Variants in CACNB2 observed in about 807,000 individuals in gnomAD.
The protein encoded by CACNB2 is voltage-dependent L-type calcium channel subunit beta-2.
CACNB2 carries 42 observed loss-of-function variants against 73.3 expected under a neutral mutation model. The ratio of observed to expected loss-of-function variants is 0.57; its 90% CI spans 0.45 to 0.74. CACNB2 has a LOEUF of 0.74. Among genes scored for constraint, CACNB2 ranks in the 30% least tolerant of loss-of-function variants. The pLI is 0.00. For synonymous variants in CACNB2, 348 were observed against 310.3 expected (o/e 1.12, Z -1.28); for missense variants, 940 against 853.0 (o/e 1.10, Z -1.27).
intron 2 of CACNB2, among the ~76,000 whole-genome samples, chr10:18,399,424 G>A (rs2043877630): frequency 6.6e-6 from 1 of 152,238 alleles, no homozygotes; most frequent in South Asian, 2.1e-4. Flanking sequence ...CCACAATTGA[G>A]GTACAACTGA....
At chr10:18,482,603 C>A (rs1052530380) in intron 3 of CACNB2, among the ~76,000 whole-genome samples, 1 of 152,108 alleles carries the variant, frequency 6.6e-6, no homozygotes, top group Non-Finnish European at 1.5e-5. Flanking sequence ...CTCCACCTCC[C>A]GGGTTCAAGC....
At chr10:18,417,289 C>T (rs2045032954) in intron 3 of CACNB2, among the ~76,000 whole-genome samples, 2 of 150,154 alleles carry the variant, frequency 1.3e-5, no homozygotes, top group Admixed American at 1.3e-4. Flanking sequence ...ATTGTCATTA[C>T]ACCATTGATG....
At chr10:18,207,280 A>G (rs2035134620) in intron 2 of CACNB2, among the ~76,000 whole-genome samples, 1 of 152,154 alleles carries the variant, frequency 6.6e-6, no homozygotes, top group Non-Finnish European at 1.5e-5. Flanking sequence ...AAATGCTGGG[A>G]TTACAGGCAT....
At chr10:18,151,080 C>T (rs2031514087) in intron 2 of CACNB2, 105 bp downstream of exon 2, 6 of 791,422 alleles carry the variant, frequency 7.6e-6, no homozygotes, top group Non-Finnish European at 1.3e-5. Flanking sequence ...TATGATTGTA[C>T]TTACTTTTAA....
intron 2 of CACNB2, among the ~76,000 whole-genome samples, chr10:18,347,430 A>G (rs868162781): frequency 6.1e-5 from 9 of 146,894 alleles, no homozygotes; most frequent in Non-Finnish European, 8.9e-5. Flanking sequence ...AGCTCAGGCA[A>G]TCCGCCCACC....
chr10:18,150,487 A>T (rs2031414039), intron 1 of CACNB2, among the ~76,000 whole-genome samples: 1 of 152,176 alleles, frequency 6.6e-6, no homozygotes, highest in Non-Finnish European at 1.5e-5. Context: ...AACATGGAGA[A>T]ACCCTGTCTC....
chr10:18,438,002 ATTTTTTTTTTTTTTTTTT>A (rs56671616), intron 3 of CACNB2, among the ~76,000 whole-genome samples: 10 of 41,764 alleles, frequency 2.4e-4, no homozygotes, highest in Admixed American at 2.4e-3. Context: ...GCCCAGTTGG[ATTTTTTTTTTTTTTTTTT>A]TTTTTTTTTT....
intron 3 of CACNB2, among the ~76,000 whole-genome samples, chr10:18,460,935 T>C (rs985523464): frequency 3.9e-5 from 6 of 152,040 alleles, no homozygotes; most frequent in Admixed American, 3.3e-4. Flanking sequence ...TTTTCTTTCC[T>C]TTTTCTTTTT....
intron 2 of CACNB2, among the ~76,000 whole-genome samples, chr10:18,249,583 G>A (rs942312960): frequency 6.6e-6 from 1 of 152,122 alleles, no homozygotes; most frequent in African/African-American, 2.4e-5. Context: ...GCTATCATCA[G>A]TGGCCTCTAC....
intron 3 of CACNB2, among the ~76,000 whole-genome samples, chr10:18,416,929 C>G (rs1406919498): frequency 6.7e-6 from 1 of 150,078 alleles, no homozygotes; most frequent in African/African-American, 2.4e-5. Flanking sequence ...AGAATTAGGG[C>G]AAGGACCCAG....
intron 3 of CACNB2, among the ~76,000 whole-genome samples, chr10:18,486,899 G>A (rs527253509): frequency 1.3e-5 from 2 of 152,296 alleles, no homozygotes; most frequent in Admixed American, 6.5e-5. Flanking sequence ...GGACGTGGAC[G>A]TGGAAGAAAT....
chr10:18,254,343 A>C (rs1401030528), intron 2 of CACNB2, among the ~76,000 whole-genome samples: 1 of 152,232 alleles, frequency 6.6e-6, no homozygotes, highest in African/African-American at 2.4e-5. Flanking sequence ...TCAATAACAC[A>C]AAATATGTTT....
chr10:18,300,020 C>CTTTTTT (rs113228742), intron 2 of CACNB2, among the ~76,000 whole-genome samples: 1 of 146,802 alleles, frequency 6.8e-6, no homozygotes, highest in Non-Finnish European at 1.5e-5. Flanking sequence ...TGTTGCATTT[C>CTTTTTT]TTTTTTTTTT....
At chr10:18,275,885 AGTT>A (rs2038264426) in intron 2 of CACNB2, among the ~76,000 whole-genome samples, 1 of 152,184 alleles carries the variant, frequency 6.6e-6, no homozygotes, top group African/African-American at 2.4e-5. Context: ...CTTTACTATC[AGTT>A]GTTATTAGTA....
At chr10:18,394,220 G>C (rs1429770392) in intron 2 of CACNB2, among the ~76,000 whole-genome samples, 1 of 152,134 alleles carries the variant, frequency 6.6e-6, no homozygotes, top group East Asian at 1.9e-4. Flanking sequence ...GCCTCCCAAA[G>C]TGCTGGGATT....
At chr10:18,142,724 A>T (rs1240257645) in intron 1 of CACNB2, among the ~76,000 whole-genome samples, 1 of 152,244 alleles carries the variant, frequency 6.6e-6, no homozygotes, top group Non-Finnish European at 1.5e-5. Context: ...ATGTACAATG[A>T]TTAAATGTAA....
chr10:18,184,721 A>G (rs895033379), intron 2 of CACNB2, among the ~76,000 whole-genome samples: 1 of 135,440 alleles, frequency 7.4e-6, no homozygotes, highest in Non-Finnish European at 1.5e-5. Context: ...GATTCAATTC[A>G]ATTCAATTCA....
intron 2 of CACNB2, among the ~76,000 whole-genome samples, chr10:18,289,724 T>TA (rs1588952205): frequency 6.6e-6 from 1 of 152,166 alleles, no homozygotes; most frequent in East Asian, 1.9e-4. Context: ...ATCAGTGGCT[T>TA]AAGCCCCTGC....
At chr10:18,149,637 T>C (rs1483482706) in intron 1 of CACNB2, among the ~76,000 whole-genome samples, 2 of 152,198 alleles carry the variant, frequency 1.3e-5, no homozygotes, top group African/African-American at 4.8e-5. Context: ...GATATTTTAA[T>C]GAAAAGCATA....
Sources: gnomAD v4.1 joint callset for allele counts (sites outside exome capture counted in the v4.1 genomes callset) on GRCh38, gnomAD v4.1.1 for gene constraint, MANE v1.5 for transcripts, NCBI Gene and HGNC (gene_info 2026-07-23, HGNC 2026-07-21) for gene names.